The following TTBK2 variants were observed in gnomAD, a reference collection of about 807,000 sequenced individuals.
TTBK2 encodes tau-tubulin kinase 2.
A neutral mutation model predicts 110.8 loss-of-function variants in TTBK2; 28 were observed. That is an observed-to-expected ratio of 0.25 (90% CI 0.19 to 0.35). TTBK2 has a LOEUF of 0.35. TTBK2 is among the 10% of genes least tolerant of loss of function. TTBK2 has a pLI of 1.00. For missense variants in TTBK2, 1,369 were observed against 1,500.3 expected, an observed-to-expected ratio of 0.91 and a Z score of 1.45; for synonymous variants, 532 against 527.3, an observed-to-expected ratio of 1.01 and a Z score of -0.12.
chr15:42,834,246 T>C (rs1892901775), intron 4 of TTBK2, among the ~76,000 whole-genome samples: 1 of 151,870 alleles, frequency 6.6e-6, no homozygotes, highest in Non-Finnish European at 1.5e-5. Context: ...TAGAAGTTAT[T>C]AGCAATTATA....
rs746073661 is a variant in TTBK2, at chr15:42,775,247, G to A, written c.1886C>T (p.Ala629Val). 2 of 1,614,206 alleles carry A rather than the reference G, an allele frequency of 1.2e-6. No individual in the cohort carries two copies. The highest frequency in any genetic ancestry group is 1.7e-6 in the Non-Finnish European group (2 of 1,180,036). The change falls in exon 13 of 15, where the codon GCT becomes GTT. Residue 629 changes from alanine (A) to valine (V), a missense_variant. Ala to Val is a moderately conservative substitution (Grantham distance 64, BLOSUM62 0). Transcript: ENST00000267890. ...CAGCCTATCTGTATATTGTTCTGAA[G>A]CAGCAGTAGGAGGACCCTCTGCAGA... ...ALSAEGPPTA[A>V]SEQYTDRLEL...
intron 10 of TTBK2, among the ~76,000 whole-genome samples, chr15:42,792,434 ATGAAGGACACTTCTCCCTTTTTT>A (rs1401155277): frequency 2.0e-5 from 3 of 152,122 alleles, no homozygotes; most frequent in Admixed American, 6.6e-5. Flanking sequence ...CACTCCACTA[ATGAAGGACACTTCTCCCTTTTTT>A]TTCTTTTGAA....
chr15:42,912,023 A>T (rs1020508119), intron 1 of TTBK2, among the ~76,000 whole-genome samples: 3 of 152,122 alleles, frequency 2.0e-5, no homozygotes, highest in Admixed American at 1.3e-4. Context: ...AAAGTTTACA[A>T]ATTTGTGTTG....
At chr15:42,836,361 T>C (rs1892985735) in intron 4 of TTBK2, among the ~76,000 whole-genome samples, 1 of 152,186 alleles carries the variant, frequency 6.6e-6, no homozygotes, top group African/African-American at 2.4e-5. Context: ...GGACTCTCTG[T>C]GGGAAGCTGA....
chr15:42,869,294 G>A (rs768267067), intron 3 of TTBK2, among the ~76,000 whole-genome samples: 1 of 151,410 alleles, frequency 6.6e-6, no homozygotes, highest in Admixed American at 6.6e-5. Flanking sequence ...TTACCATGTC[G>A]CCCAGACTGG....
chr15:42,817,064 G>A lies in TTBK2; in HGVS notation c.571C>T (p.Arg191Cys), dbSNP rs563297091. Residue 191 changes from arginine (R) to cysteine (C), a missense_variant, in exon 7 of 15, where the codon CGT becomes TGT. Arg to Cys is a radical substitution (Grantham distance 180). Coordinates refer to ENST00000267890, the MANE Select transcript of TTBK2 (RefSeq NM_173500.4). The part of the protein sequence containing the change: ...RAVAGFRGTV[R>C]YASINAHRNR... The stretch of plus-strand genomic sequence containing the variant: ...CGATGTGCGTTGATTGATGCATAAC[G>A]AACTGTCCCTCGAAAACCTGCCACA... The A allele has an allele frequency of 3.1e-6, 5 of 1,607,378 alleles. No homozygotes were observed. The highest frequency in any genetic ancestry group is 1.1e-5 in the South Asian group (1 of 90,928).
Position 42,741,710 on chromosome 15 carries a change from G to C in TTBK2, c.*4085C>G, listed in dbSNP as rs1026229653. The C allele has an allele frequency of 1.3e-5, 2 of 152,146 alleles. No homozygotes were observed. Among genetic ancestry groups the C allele is most frequent in the African/African-American group, 4.8e-5 (2 of 41,420 alleles). The allele number at this position is 152,146 out of a possible 1,614,324, so 9.4% of individuals were successfully genotyped here. A position where few individuals can be genotyped will look rare whatever the true frequency, so the allele number is the denominator to read the frequency against. On this transcript the variant is annotated 3_prime_UTR_variant, in exon 15 of 15. Coordinates refer to ENST00000267890, the MANE Select transcript of TTBK2 (RefSeq NM_173500.4). ...AAGAATAAGTTTTTAAAATATAAAA[G>C]ACTTTGATCTCCAAGACTAAATCTA...
chr15:42,853,893 A>AT (rs1893824913), intron 3 of TTBK2, among the ~76,000 whole-genome samples: 1 of 151,986 alleles, frequency 6.6e-6, no homozygotes, highest in Admixed American at 6.6e-5. Context: ...AAAAAAATAA[A>AT]AAATAAAAAA....
intron 1 of TTBK2, among the ~76,000 whole-genome samples, chr15:42,917,412 T>C (rs1303379567): frequency 6.6e-6 from 1 of 152,136 alleles, no homozygotes; most frequent in Non-Finnish European, 1.5e-5. Context: ...CATATTATGT[T>C]ATAATATAAT....
chr15:42,839,070 G>T (rs1893115481), intron 4 of TTBK2, among the ~76,000 whole-genome samples: 1 of 152,098 alleles, frequency 6.6e-6, no homozygotes, highest in Non-Finnish European at 1.5e-5. Context: ...TATCCAACAG[G>T]TAGTTTTTCG....
At chr15:42,769,432 AC>A (rs1265029929) in intron 13 of TTBK2, among the ~76,000 whole-genome samples, 9 of 151,952 alleles carry the variant, frequency 5.9e-5, no homozygotes, top group Non-Finnish European at 1.2e-4. Context: ...AACAACCCCA[AC>A]AAAAAGTGGG....
At chr15:42,862,524 A>G (rs1360421643) in intron 3 of TTBK2, among the ~76,000 whole-genome samples, 1 of 152,222 alleles carries the variant, frequency 6.6e-6, no homozygotes, top group Non-Finnish European at 1.5e-5. Flanking sequence ...AAATTTTTCA[A>G]TAAAATCCAA....
chr15:42,872,610 C>A lies in TTBK2; in HGVS notation c.217+1G>T. 6.2e-7 allele frequency: 1 copy of A among 1,614,034 alleles called. No individual in the cohort carries two copies. Among genetic ancestry groups the A allele is most frequent in the Non-Finnish European group, 8.5e-7 (1 of 1,179,958 alleles). On this transcript the variant is annotated splice_donor_variant, in intron 3 of 14. Transcript: ENST00000267890. LOFTEE classifies it high-confidence loss of function. ...AATTGTATATTCTACAAAGGGCTTACCTTGCAGCTTTTTCAAAACAGCAAC... is the reference window on the plus strand; with the variant it reads ...AATTGTATATTCTACAAAGGGCTTAACTTGCAGCTTTTTCAAAACAGCAAC...
intron 4 of TTBK2, among the ~76,000 whole-genome samples, chr15:42,831,619 T>C (rs1235937564): frequency 6.6e-6 from 1 of 152,234 alleles, no homozygotes; most frequent in African/African-American, 2.4e-5. Context: ...AATCTGTTAA[T>C]GTAAAGCTGT....
intron 9 of TTBK2, chr15:42,801,010 G>A (rs200315636): frequency 2.0e-5 from 15 of 764,090 alleles, no homozygotes; most frequent in African/African-American, 1.4e-4. Context: ...TTCCCATCAC[G>A]GGTTTCGATC....
chr15:42,920,316 GA>G (rs1312719198), intron 1 of TTBK2, 121 bp downstream of exon 1: 1 of 152,370 alleles, frequency 6.6e-6, no homozygotes, highest in East Asian at 1.9e-4. Flanking sequence ...GCAGCGAACT[GA>G]AAGTCCCCGG....
intron 3 of TTBK2, among the ~76,000 whole-genome samples, chr15:42,860,449 C>T (rs1334536683): frequency 1.3e-5 from 2 of 151,698 alleles, no homozygotes; most frequent in Non-Finnish European, 2.9e-5. Flanking sequence ...GGAACAACAA[C>T]AACAACAACA....
chr15:42,763,173 T>TATAC (rs1292816469), intron 13 of TTBK2, among the ~76,000 whole-genome samples: 7 of 17,946 alleles, frequency 3.9e-4, no homozygotes, highest in South Asian at 1.8e-3. Context: ...TATATATATA[T>TATAC]ATATATATAT....
Position 42,829,978 on chromosome 15 carries a change from C to T in TTBK2, c.392G>A (p.Ser131Asn). Reference sequence around the variant, plus strand: ...ATGCAAGAATCCCACAGAATGAATGCTTTCAATAGACTCCAAAATCTGTCT... The same window carrying T: ...ATGCAAGAATCCCACAGAATGAATGTTTTCAATAGACTCCAAAATCTGTCT... ...LGRQILESIE[S>N]IHSVGFLHRD... is the part of the protein sequence containing the mutation. Residue 131 changes from serine (S) to asparagine (N), a missense_variant, in exon 5 of 15, where the codon AGC becomes AAC. Ser to Asn is a conservative substitution (Grantham distance 46). Around this residue, in one of 4 missense-constraint regions of TTBK2, gnomAD observed 122 missense variants for 159.7 expected, o/e 0.76. Coordinates refer to ENST00000267890, the MANE Select transcript of TTBK2 (RefSeq NM_173500.4). 1 of 1,614,132 alleles carries T rather than the reference C, an allele frequency of 6.2e-7. No homozygotes were observed. Among genetic ancestry groups the T allele is most frequent in the Non-Finnish European group, 8.5e-7 (1 of 1,180,020 alleles).
Sources: allele counts gnomAD v4.1 joint callset (sites outside exome capture counted in the v4.1 genomes callset), GRCh38; gene constraint gnomAD v4.1.1; regional missense constraint gnomAD v4.1.1; transcripts MANE v1.5; gene names NCBI Gene and HGNC (gene_info 2026-07-23, HGNC 2026-07-21).